The following DTD1 variants were observed in gnomAD, a reference collection of about 807,000 sequenced individuals.
DTD1 encodes D-tyrosyl-tRNA deacylase 1 homolog.
DTD1 carries 13 observed loss-of-function variants against 25.6 expected under a neutral mutation model. The ratio of observed to expected loss-of-function variants is 0.51; its 90% CI spans 0.33 to 0.81. DTD1 has a LOEUF of 0.81. Ranked by LOEUF, DTD1 falls within the 30% of genes least tolerant of loss-of-function variation. The probability of loss-of-function intolerance (pLI) is 0.02; values close to 1 mark genes in which losing one functional copy is unlikely to be tolerated. For missense variants in DTD1, 193 were observed against 266.4 expected, an observed-to-expected ratio of 0.72 and a Z score of 1.92; for synonymous variants, 110 against 103.6, an observed-to-expected ratio of 1.06 and a Z score of -0.37.
intron 4 of DTD1, among the ~76,000 whole-genome samples, chr20:18,718,450 A>C (rs2061190361): frequency 6.6e-6 from 1 of 152,202 alleles, no homozygotes; most frequent in Admixed American, 6.5e-5. Flanking sequence ...GATGTATGGG[A>C]TAATGAGGGG....
intron 4 of DTD1, among the ~76,000 whole-genome samples, chr20:18,726,290 G>A (rs1004719850): frequency 1.3e-5 from 2 of 152,124 alleles, no homozygotes; most frequent in Admixed American, 6.5e-5. Flanking sequence ...TGCATTCTTT[G>A]CTTGTTTGTC....
Position 18,754,180 on chromosome 20 carries a change from T to C in DTD1, c.*20-9180T>C, listed in dbSNP as rs576870679. ...TGGCCTGAAGCCAGAAGCAGGTCAG[T>C]TGGAAGTCAGTGTCTTTGAGGGTTT... On this transcript the variant is annotated intron_variant, in intron 5 of 5. Coordinates refer to ENST00000377452, the MANE Select transcript of DTD1 (RefSeq NM_080820.6). 2.0e-5 allele frequency among the ~76,000 whole-genome samples: 3 copies of C among 152,334 alleles called. No homozygotes were observed. The East Asian group carries it at 5.8e-4, about 29-fold the overall frequency.
chr20:18,766,403 G>C lies in DTD1; in HGVS notation c.*3063G>C, dbSNP rs1329548353. On this transcript the variant is annotated 3_prime_UTR_variant, in exon 6 of 6. Coordinates refer to ENST00000377452, the MANE Select transcript of DTD1 (RefSeq NM_080820.6). ...AGAGTTAAACACCCTCATCTCAGAAGACATGGAATAATATCAAAAGTAAAG... is the reference window on the plus strand; with the variant it reads ...AGAGTTAAACACCCTCATCTCAGAACACATGGAATAATATCAAAAGTAAAG... 6.6e-6 allele frequency: 1 copy of C among 152,106 alleles called. No individual in the cohort carries two copies. The highest frequency in any genetic ancestry group is 2.4e-5 in the African/African-American group (1 of 41,408). 9.4% of individuals were successfully genotyped at this position (152,106 alleles called of 1,614,324 possible).
intron 4 of DTD1, among the ~76,000 whole-genome samples, chr20:18,659,076 G>GA (rs771835165): frequency 1.3e-5 from 2 of 151,992 alleles, no homozygotes; most frequent in Non-Finnish European, 2.9e-5. Flanking sequence ...TTAAAAAAAA[G>GA]AAAAAGCGTA....
intron 3 of DTD1, among the ~76,000 whole-genome samples, chr20:18,597,963 A>G (rs1012644314): frequency 1.3e-5 from 2 of 149,280 alleles, no homozygotes; most frequent in Non-Finnish European, 3.0e-5. Flanking sequence ...TCCTAGCTTG[A>G]CAGTTCTTTT....
chr20:18,610,931 C>T (rs2060684384), intron 3 of DTD1: 1 of 79,284 alleles, frequency 1.3e-5, no homozygotes, highest in East Asian at 4.9e-4. Flanking sequence ...CAAAAAACAC[C>T]AGAATGTACA....
At chr20:18,675,539 C>T (rs1568665276) in intron 4 of DTD1, 1 of 151,962 alleles carries the variant, frequency 6.6e-6, no homozygotes, top group Non-Finnish European at 1.5e-5. Context: ...TAGAGGAAAG[C>T]TGTATCCTTG....
Position 18,592,546 on chromosome 20 carries a change from T to C in DTD1, c.44-1185T>C, listed in dbSNP as rs150208241. 4.6e-5 allele frequency: 7 copies of C among 152,130 alleles called. No homozygotes were observed. The East Asian group carries it at 9.7e-4, about 21-fold the overall frequency. 9.4% of individuals were successfully genotyped at this position (152,130 alleles called of 1,614,324 possible). A position where few individuals can be genotyped will look rare whatever the true frequency, so the allele number is the denominator to read the frequency against. ...ATAGAGCAGGTCAGAACTCCTGTGC[T>C]GATTAGTAGTGGAATTGCACCTGTG... is the stretch of plus-strand genomic sequence containing the variant. On this transcript the variant is annotated intron_variant, in intron 1 of 5. Transcript: ENST00000377452.
intron 3 of DTD1, among the ~76,000 whole-genome samples, chr20:18,612,010 G>A (rs2060688462): frequency 6.8e-6 from 1 of 147,110 alleles, no homozygotes; most frequent in Non-Finnish European, 1.5e-5. Context: ...GCCCACGACC[G>A]TGCCCGGCTA....
intron 1 of DTD1, among the ~76,000 whole-genome samples, 184 bp downstream of exon 1, chr20:18,588,299 G>A (rs2060574390): frequency 6.6e-6 from 1 of 152,002 alleles, no homozygotes; most frequent in Admixed American, 6.6e-5. Context: ...GCAGCGCGGC[G>A]GCCGGAGAGC....
intron 3 of DTD1, among the ~76,000 whole-genome samples, chr20:18,621,685 T>C (rs961275229): frequency 6.6e-6 from 1 of 152,214 alleles, no homozygotes; most frequent in African/African-American, 2.4e-5. Context: ...CTGTGTATGC[T>C]AAAATGGCTG....
chr20:18,717,208 T>C (rs1437957203), intron 4 of DTD1, among the ~76,000 whole-genome samples: 1 of 152,200 alleles, frequency 6.6e-6, no homozygotes, highest in Non-Finnish European at 1.5e-5. Flanking sequence ...CGGGAGATAA[T>C]TAGCATCACA....
chr20:18,732,022 A>G (rs566112058), intron 4 of DTD1, among the ~76,000 whole-genome samples: 2 of 152,242 alleles, frequency 1.3e-5, no homozygotes, highest in South Asian at 2.1e-4. Flanking sequence ...GTCCTGCCCA[A>G]ATTTGGTCTC....
intron 4 of DTD1, among the ~76,000 whole-genome samples, chr20:18,629,282 C>T (rs190637826): frequency 6.8e-6 from 1 of 146,768 alleles, no homozygotes; most frequent in African/African-American, 2.5e-5. Flanking sequence ...AGGTGTAATC[C>T]CACTGTGCTC....
At chr20:18,659,498 T>C (rs1222302863) in intron 4 of DTD1, among the ~76,000 whole-genome samples, 1 of 152,260 alleles carries the variant, frequency 6.6e-6, no homozygotes, top group African/African-American at 2.4e-5. Flanking sequence ...TATCTTTTAA[T>C]GTCATGCTCA....
At chr20:18,622,614 T>G (rs181242112) in intron 3 of DTD1, among the ~76,000 whole-genome samples, 2 of 152,318 alleles carry the variant, frequency 1.3e-5, no homozygotes, top group African/African-American at 4.8e-5. Flanking sequence ...TTCCCAAGTG[T>G]TGTTAGTGTA....
chr20:18,588,447 C>T (rs2060575172), intron 1 of DTD1, among the ~76,000 whole-genome samples: 1 of 152,226 alleles, frequency 6.6e-6, no homozygotes, highest in Non-Finnish European at 1.5e-5. Context: ...CTCCGTGGTC[C>T]GCTCTTCAGG....
rs138253508 is a variant in DTD1 at position 18,694,634 on chromosome 20, G to A, written c.478-49466G>A. Among the ~76,000 whole-genome samples the A allele has an allele frequency of 3.7e-3, 571 of 152,352 alleles. 1 individual carries two copies. The highest frequency in any genetic ancestry group is 0.013 in the African/African-American group (522 of 41,584). ...CTTTACTGGGAAAGGGAACAACTGG[G>A]TTAGGGAGCAGCAGCCGGGCCTTCC... is the stretch of plus-strand genomic sequence containing the variant. On this transcript the variant is annotated intron_variant, in intron 4 of 5. Transcript: ENST00000377452.
intron 4 of DTD1, among the ~76,000 whole-genome samples, chr20:18,697,187 C>G (rs6112070): frequency 0.83 from 125,332 of 151,084 alleles, 53,107 homozygotes; most frequent in Non-Finnish European, 0.93. Flanking sequence ...AGTGGAGATC[C>G]CGCCACTGCA....
Sources: allele counts gnomAD v4.1 joint callset (sites outside exome capture counted in the v4.1 genomes callset), GRCh38; gene constraint gnomAD v4.1.1; transcripts MANE v1.5; gene names NCBI Gene and HGNC (gene_info 2026-07-23, HGNC 2026-07-21).